Variants in DCX observed in about 807,000 individuals in gnomAD.
The protein encoded by DCX is neuronal migration protein doublecortin.
In DCX, 4 loss-of-function variants were observed where a neutral mutation model predicts 20.9. The ratio of observed to expected loss-of-function variants is 0.19; its 90% CI spans 0.09 to 0.44. DCX has a LOEUF of 0.44. DCX is among the 20% of genes least tolerant of loss of function. The pLI is 0.99. For synonymous variants in DCX, 103 were observed against 111.4 expected (o/e 0.92, Z 0.47); for missense variants, 133 against 296.9 (o/e 0.45, Z 4.06).
chrX:111,407,502 C>T (rs1177338243), intron 2 of DCX, among the ~76,000 whole-genome samples: 1 of 111,462 alleles, frequency 9.0e-6, no homozygotes, highest in Non-Finnish European at 1.9e-5. Context: ...CAGACATAGC[C>T]CTGAATTTTC....
intron 6 of DCX, among the ~76,000 whole-genome samples, chrX:111,312,024 C>A (rs774754213): frequency 8.9e-6 from 1 of 112,254 alleles, no homozygotes; most frequent in South Asian, 3.7e-4. Flanking sequence ...GATAGCGGGG[C>A]TAGGGAATTT....
chrX:111,410,918 C>T lies in DCX; in HGVS notation c.-22-498G>A. The T allele has an allele frequency of 8.3e-7, 1 of 1,211,457 alleles. No individual in the cohort carries two copies. The highest frequency in any genetic ancestry group is 1.1e-6 in the Non-Finnish European group (1 of 895,367). ...AGCTACCCAAGGTTAGCATCTCCAG[C>T]TTAGGAAGCAGTCTTTGCATTTCAG... On this transcript the variant is annotated intron_variant, in intron 1 of 6. Coordinates refer to ENST00000636035, the MANE Select transcript of DCX (RefSeq NM_001195553.2).
chrX:111,390,726 T>C (rs149445588), intron 3 of DCX, among the ~76,000 whole-genome samples: 4 of 111,181 alleles, frequency 3.6e-5, no homozygotes, highest in African/African-American at 1.3e-4. Flanking sequence ...GGGCCTGGCA[T>C]AGTGGCTAAC....
At chrX:111,379,430 T>C (rs913953727) in intron 3 of DCX, among the ~76,000 whole-genome samples, 3 of 111,824 alleles carry the variant, frequency 2.7e-5, no homozygotes, top group African/African-American at 9.7e-5. Flanking sequence ...TCTACGTATT[T>C]GTCTATTCTG....
chrX:111,390,736 C>T (rs1926868453), intron 3 of DCX, among the ~76,000 whole-genome samples: 1 of 111,173 alleles, frequency 9.0e-6, no homozygotes. Flanking sequence ...TAGTGGCTAA[C>T]ACCTGTAATC....
chrX:111,322,799 A>G (rs748691509), intron 5 of DCX, among the ~76,000 whole-genome samples: 6 of 112,647 alleles, frequency 5.3e-5, no homozygotes, highest in Non-Finnish European at 9.4e-5. Context: ...TTTGCTCTCA[A>G]GCCAAATTCA....
Position 111,311,113 on chromosome X carries a change from T to C in DCX, c.1044+1526A>G, listed in dbSNP as rs566224658. On this transcript the variant is annotated intron_variant, in intron 6 of 6. Transcript: ENST00000636035. ...GAGGTAGACTTCCTATCTTGGCATG[T>C]CCATATTTACAAGCTTTACTGCTCA... Among the ~76,000 whole-genome samples, 6 of 112,470 alleles carry C rather than the reference T, an allele frequency of 5.3e-5. No homozygotes were observed. In the South Asian group the frequency reaches 2.2e-3, roughly 42 times the overall value.
intron 5 of DCX, among the ~76,000 whole-genome samples, chrX:111,314,513 A>G (rs2095065131): frequency 8.9e-6 from 1 of 111,768 alleles, no homozygotes; most frequent in Non-Finnish European, 1.9e-5. Context: ...CAATAGAGAC[A>G]GAAAGTAGAT....
intron 3 of DCX, among the ~76,000 whole-genome samples, chrX:111,333,747 T>G: frequency 8.9e-6 from 1 of 112,169 alleles, no homozygotes; most frequent in Middle Eastern, 4.6e-3. Flanking sequence ...AACTTCATCA[T>G]GAGCAATGGG....
intron 3 of DCX, 113 bp downstream of exon 3, chrX:111,400,877 G>A: frequency 2.9e-6 from 2 of 687,550 alleles, no homozygotes; most frequent in Admixed American, 2.4e-5. Context: ...ATATCAGGTT[G>A]TGATGATGAG....
intron 3 of DCX, among the ~76,000 whole-genome samples, chrX:111,368,992 C>T (rs768448102): frequency 9.1e-6 from 1 of 109,434 alleles, no homozygotes; most frequent in Admixed American, 9.8e-5. Context: ...AGGCTGTCTG[C>T]TTGGCTGAAG....
intron 6 of DCX, among the ~76,000 whole-genome samples, chrX:111,304,983 T>C (rs1031953197): frequency 1.8e-5 from 2 of 111,814 alleles, no homozygotes; most frequent in South Asian, 7.4e-4. Context: ...TGGCAGAGCA[T>C]TGAAATCATG....
chrX:111,401,170 G>A lies in DCX; in HGVS notation c.525C>T (p.Asp175=). Residue 175 remains aspartate (D), a synonymous_variant, in exon 3 of 7, where the codon GAC becomes GAT. Transcript: ENST00000636035. The part of the protein sequence containing the change: ...SNSAQARENK[D]FVRPKLVTII... Reference sequence around the variant, plus strand: ...TGGTAACCAGCTTGGGGCGCACAAAGTCCTTGTTCTCCCTGGCCTGTGCAC... The same window carrying A: ...TGGTAACCAGCTTGGGGCGCACAAAATCCTTGTTCTCCCTGGCCTGTGCAC... 8.3e-7 allele frequency: 1 copy of A among 1,211,533 alleles called. No homozygotes were observed. Among genetic ancestry groups the A allele is most frequent in the South Asian group, 1.8e-5 (1 of 56,941 alleles).
rs1478434308 is a variant in DCX at position 111,332,308 on chromosome X, C to A, written c.808+743G>T. 2.7e-5 allele frequency among the ~76,000 whole-genome samples: 3 copies of A among 112,064 alleles called. No individual in the cohort carries two copies. In the East Asian group the frequency reaches 8.4e-4, roughly 31 times the overall value. On this transcript the variant is annotated intron_variant, in intron 4 of 6. Coordinates refer to ENST00000636035, the MANE Select transcript of DCX (RefSeq NM_001195553.2). ...TCCTAAAGGGAACACAGCAGAAATG[C>A]CACCTCTTACAGGGTTCTTGTCACT...
intron 3 of DCX, among the ~76,000 whole-genome samples, chrX:111,344,881 G>GA (rs869296317): frequency 1.7e-4 from 19 of 110,912 alleles, no homozygotes; most frequent in Admixed American, 6.7e-4. Context: ...CACAGAATTA[G>GA]AAAAAAAACA....
intron 3 of DCX, among the ~76,000 whole-genome samples, chrX:111,396,166 A>G (rs192222633): frequency 2.6e-4 from 29 of 112,168 alleles, no homozygotes; most frequent in African/African-American, 9.4e-4. Flanking sequence ...TTATGCATCA[A>G]CCATTTCCTT....
chrX:111,296,817 G>A lies in DCX; in HGVS notation c.*4870C>T, dbSNP rs971526779. 9.2e-5 allele frequency: 10 copies of A among 108,293 alleles called. No individual in the cohort carries two copies. The highest frequency in any genetic ancestry group is 6.9e-4 in the Admixed American group (7 of 10,085). 8.9% of individuals were successfully genotyped at this position (108,293 alleles called of 1,213,427 possible). On this transcript the variant is annotated 3_prime_UTR_variant, in exon 7 of 7. Coordinates refer to ENST00000636035, the MANE Select transcript of DCX (RefSeq NM_001195553.2). ...CTTGTCAAATGATAGCCAATGTCAC[G>A]CTAGCTAAGCCAAAGCGGGAGGTCT...
At chrX:111,371,656 T>C (rs770795146) in intron 3 of DCX, among the ~76,000 whole-genome samples, 2 of 111,654 alleles carry the variant, frequency 1.8e-5, no homozygotes, top group South Asian at 3.8e-4. Context: ...ACCAGTTGTA[T>C]GGATTATCTC....
rs2095019006 is a variant in DCX, at chrX:111,295,732, T to A, written c.*5955A>T. On this transcript the variant is annotated 3_prime_UTR_variant, in exon 7 of 7. Coordinates refer to ENST00000636035, the MANE Select transcript of DCX (RefSeq NM_001195553.2). Reference sequence around the variant, plus strand: ...GATTATGTCTCTGAGCACGCTTCACTGCTCCACAAAATGTCAGACTAAAAA... The same window carrying A: ...GATTATGTCTCTGAGCACGCTTCACAGCTCCACAAAATGTCAGACTAAAAA... The A allele has an allele frequency of 8.9e-6, 1 of 112,564 alleles. No individual in the cohort carries two copies. Among genetic ancestry groups the A allele is most frequent in the Non-Finnish European group, 1.9e-5 (1 of 53,324 alleles). 9.3% of individuals were successfully genotyped at this position (112,564 alleles called of 1,213,427 possible). A position where few individuals can be genotyped will look rare whatever the true frequency, so the allele number is the denominator to read the frequency against.
Sources: allele counts gnomAD v4.1 joint callset (sites outside exome capture counted in the v4.1 genomes callset), GRCh38; gene constraint gnomAD v4.1.1; transcripts MANE v1.5; gene names NCBI Gene and HGNC (gene_info 2026-07-23, HGNC 2026-07-21).